The following NUP98 variants were observed in gnomAD, a reference collection of about 807,000 sequenced individuals.
NUP98 encodes nucleoporin 98 and 96 precursor, also known as nuclear pore complex protein Nup98-Nup96.
NUP98 carries 26 observed loss-of-function variants against 191.9 expected under a neutral mutation model. The ratio of observed to expected loss-of-function variants is 0.14; its 90% CI spans 0.10 to 0.19. NUP98 has a LOEUF of 0.19. Ranked by LOEUF, NUP98 falls within the 10% of genes least tolerant of loss-of-function variation. The pLI is 1.00. For missense variants in NUP98, 1,941 were observed against 2,178.8 expected, an observed-to-expected ratio of 0.89 and a Z score of 2.17; for synonymous variants, 808 against 778.4, an observed-to-expected ratio of 1.04 and a Z score of -0.63.
chr11:3,752,591 G>GA lies in NUP98; in HGVS notation c.1267+724dup, dbSNP rs145482305. On this transcript the variant is annotated intron_variant, in intron 11 of 32. Coordinates refer to ENST00000324932, the MANE Select transcript of NUP98 (RefSeq NM_016320.5). Reference sequence around the variant, plus strand: ...GATGAATGCTCAGATGATAGAAGGGGAAAAAAAAAACAGATTAACTGGACA... The same window carrying GA: ...GATGAATGCTCAGATGATAGAAGGGGAAAAAAAAAAACAGATTAACTGGACA... Among the ~76,000 whole-genome samples, 693 of 145,724 alleles carry GA rather than the reference G, an allele frequency of 4.8e-3. 2 individuals carry two copies. Among genetic ancestry groups the GA allele is most frequent in the African/African-American group, 0.014 (564 of 39,810 alleles).
rs2077765183 is a variant in NUP98, at chr11:3,675,083, C to T, written c.*1076G>A. On this transcript the variant is annotated 3_prime_UTR_variant, in exon 33 of 33. Coordinates refer to ENST00000324932, the MANE Select transcript of NUP98 (RefSeq NM_016320.5). ...CAGAAAAAGAGGAAAATATCTAGAT[C>T]ATTTATTTATACATATATATATTTT... 5.6e-6 allele frequency: 1 copy of T among 178,932 alleles called. No individual in the cohort carries two copies. The highest frequency in any genetic ancestry group is 9.4e-5 in the East Asian group (1 of 10,638). The allele number at this position is 178,932 out of a possible 1,614,324, so 11.1% of individuals were successfully genotyped here.
At position 3,753,755 on chromosome 11, in the gene NUP98, CAAAAAAAAAAAAAAAAAAAAAA is replaced by C. The variant is rs58867754; in HGVS notation, c.1175-369_1175-348del. The stretch of plus-strand genomic sequence containing the variant: ...GTGAAACCCCGTCTCTATAAAAATA[CAAAAAAAAAAAAAAAAAAAAAA>C]AAAAAAAAAAAAAAGGCCAGGTATG... On this transcript the variant is annotated intron_variant, in intron 10 of 32. Coordinates refer to ENST00000324932, the MANE Select transcript of NUP98 (RefSeq NM_016320.5). 6.9e-4 allele frequency among the ~76,000 whole-genome samples: 7 copies of C among 10,174 alleles called. 1 individual carries two copies. The highest frequency in any genetic ancestry group is 9.5e-4 in the Non-Finnish European group (6 of 6,336). 6.7% of individuals were successfully genotyped at this position (10,174 alleles called of 152,430 possible).
chr11:3,766,459 G>A (rs899631915), intron 8 of NUP98, among the ~76,000 whole-genome samples: 3 of 152,070 alleles, frequency 2.0e-5, no homozygotes, highest in African/African-American at 7.2e-5. Flanking sequence ...TGAGGCAGAG[G>A]TGGGTGGATC....
chr11:3,725,265 T>C, intron 14 of NUP98, 46 bp from the exon 15 acceptor site: 2 of 851,576 alleles, frequency 2.3e-6, no homozygotes, highest in Non-Finnish European at 3.9e-6. Flanking sequence ...TACTCAGGCA[T>C]ACAGATATGT....
intron 31 of NUP98, 64 bp downstream of exon 31, chr11:3,679,490 G>A (rs781241464): frequency 3.2e-6 from 5 of 1,563,948 alleles, no homozygotes; most frequent in East Asian, 2.2e-5. Context: ...GCCTTGTGAG[G>A]TATCTGAAGA....
intron 28 of NUP98, among the ~76,000 whole-genome samples, chr11:3,688,621 C>T (rs1218615900): frequency 6.6e-6 from 1 of 150,424 alleles, no homozygotes; most frequent in Middle Eastern, 3.5e-3. Context: ...GTGGCAAAAC[C>T]CCATTTCTAC....
chr11:3,688,515 C>T (rs992507927), intron 28 of NUP98, among the ~76,000 whole-genome samples: 41 of 151,816 alleles, frequency 2.7e-4, no homozygotes, highest in African/African-American at 8.0e-4. Context: ...TAAATACTGG[C>T]CAGGCACAGT....
At chr11:3,684,517 G>A (rs542745355) in intron 29 of NUP98, among the ~76,000 whole-genome samples, 2 of 151,934 alleles carry the variant, frequency 1.3e-5, no homozygotes, top group South Asian at 2.1e-4. Context: ...AGTCAACTCC[G>A]AAACATTAGC....
chr11:3,693,813 A>G (rs764006914), intron 26 of NUP98, among the ~76,000 whole-genome samples: 9 of 152,262 alleles, frequency 5.9e-5, no homozygotes, highest in Non-Finnish European at 1.2e-4. Flanking sequence ...AGTGCTGACC[A>G]GCTACATTTT....
intron 21 of NUP98, among the ~76,000 whole-genome samples, chr11:3,705,996 C>CAAAAA (rs66628165): frequency 1.0e-5 from 1 of 99,476 alleles, no homozygotes; most frequent in African/African-American, 3.6e-5. Context: ...ACTAAAAATA[C>CAAAAA]AAAAAAAAAA....
At chr11:3,748,612 C>G (rs1280484283) in intron 11 of NUP98, among the ~76,000 whole-genome samples, 1 of 152,180 alleles carries the variant, frequency 6.6e-6, no homozygotes. Context: ...CAAGACCAGC[C>G]TGGCCAACAT....
At position 3,677,511 on chromosome 11, in the gene NUP98, A is replaced by C. The variant is rs536337350; in HGVS notation, c.5074-891T>G. Among the ~76,000 whole-genome samples the C allele has an allele frequency of 1.3e-3, 202 of 151,330 alleles. 2 individuals carry two copies. Among genetic ancestry groups the C allele is most frequent in the African/African-American group, 4.7e-3 (193 of 41,232 alleles). On this transcript the variant is annotated intron_variant, in intron 31 of 32. Transcript: ENST00000324932. Reference sequence around the variant, plus strand: ...CAGCCTCCCAAAGTACTAGGATTACAGTCATGCACCACCACATCCAGCTAT... The same window carrying C: ...CAGCCTCCCAAAGTACTAGGATTACCGTCATGCACCACCACATCCAGCTAT...
At chr11:3,723,684 A>G (rs1421098721) in intron 15 of NUP98, among the ~76,000 whole-genome samples, 2 of 152,042 alleles carry the variant, frequency 1.3e-5, no homozygotes, top group African/African-American at 2.4e-5. Flanking sequence ...AAGATTAAAA[A>G]CTGAAAAAAA....
intron 18 of NUP98, 147 bp downstream of exon 18, chr11:3,719,265 T>C (rs2079303879): frequency 1.8e-6 from 1 of 542,478 alleles, no homozygotes; most frequent in Non-Finnish European, 3.2e-6. Flanking sequence ...CTTTGCCATT[T>C]ATACTTTTAA....
chr11:3,676,264 C>T lies in NUP98; in HGVS notation c.5298G>A (p.Leu1766=). 6.2e-7 allele frequency: 1 copy of T among 1,614,110 alleles called. No individual in the cohort carries two copies. The highest frequency in any genetic ancestry group is 8.5e-7 in the Non-Finnish European group (1 of 1,180,034). ...TGGGAAGCCGGCCAATGTGGGGAGC[C>T]AAGAGGCGCAAAGGGACTCGCTGAG... The part of the protein sequence containing the change: ...PDPQRVPLRL[L]APHIGRLPMP... Residue 1766 remains leucine, a synonymous_variant, in exon 33 of 33, where the codon TTG becomes TTA. Transcript: ENST00000324932.
intron 12 of NUP98, among the ~76,000 whole-genome samples, chr11:3,741,259 G>A (rs1325673308): frequency 6.6e-6 from 1 of 152,080 alleles, no homozygotes; most frequent in Non-Finnish European, 1.5e-5. Context: ...CAAAAAAACT[G>A]TATCTAAGAA....
rs117041477 is a variant in NUP98, at chr11:3,732,196, C to T, written c.1543-618G>A. 1.9e-3 allele frequency among the ~76,000 whole-genome samples: 294 copies of T among 152,022 alleles called. 5 individuals carry two copies. The East Asian group carries it at 0.048, about 25-fold the overall frequency. On this transcript the variant is annotated intron_variant, in intron 13 of 32. Transcript: ENST00000324932. ...CCAGGAGGCGGAGGTTGCAGTAAGC[C>T]GAGATCGCACCACTGCACTCCAGCC...
At chr11:3,745,209 CAACT>C (rs138352085) in intron 11 of NUP98, among the ~76,000 whole-genome samples, 7,667 of 152,260 alleles carry the variant, frequency 0.05, 252 homozygotes, top group Middle Eastern at 0.099. Flanking sequence ...TCAAAATACT[CAACT>C]AACACAATCA....
intron 23 of NUP98, among the ~76,000 whole-genome samples, chr11:3,702,201 G>A (rs2078703648): frequency 6.6e-6 from 1 of 151,158 alleles, no homozygotes; most frequent in Non-Finnish European, 1.5e-5. Context: ...TCGTGCCACC[G>A]CACCCCAGCC....
Sources: allele counts gnomAD v4.1 joint callset (sites outside exome capture counted in the v4.1 genomes callset), GRCh38; gene constraint gnomAD v4.1.1; transcripts MANE v1.5; gene names NCBI Gene and HGNC (gene_info 2026-07-23, HGNC 2026-07-21).